UGT2A1: variants seen among roughly 807,000 people sequenced by gnomAD.
UGT2A1 encodes UDP-glucuronosyltransferase 2A1.
UGT2A1 carries 61 observed loss-of-function variants against 45.4 expected under a neutral mutation model. The ratio of observed to expected loss-of-function variants is 1.34; its 90% confidence interval spans 1.09 to 1.66. UGT2A1 has a LOEUF of 1.66. UGT2A1 is among the 40% of genes most tolerant of loss of function. The pLI is 0.00. For missense variants in UGT2A1, 649 were observed against 574.3 expected, an observed-to-expected ratio of 1.13 and a Z score of -1.33; for synonymous variants, 229 against 196.2, an observed-to-expected ratio of 1.17 and a Z score of -1.40.
At chr4:69,596,436 A>T (rs753668491) in intron 4 of UGT2A1, 5 of 1,425,330 alleles carry the variant, frequency 3.5e-6, no homozygotes, top group Non-Finnish European at 4.6e-6. Flanking sequence ...AGAAAAAATA[A>T]GTTTACTTAC....
chr4:69,645,887 T>C (rs1455034668), intron 2 of UGT2A1, among the ~76,000 whole-genome samples: 1 of 151,752 alleles, frequency 6.6e-6, no homozygotes, highest in Non-Finnish European at 1.5e-5. Context: ...ATCGCACCTG[T>C]GCTGTTTTGT....
intron 2 of UGT2A1, among the ~76,000 whole-genome samples, chr4:69,636,085 A>G (rs1256765115): frequency 6.6e-6 from 1 of 152,156 alleles, no homozygotes; most frequent in Non-Finnish European, 1.5e-5. Flanking sequence ...CAAGTTTTTT[A>G]ACTGGTGCAA....
At chr4:69,607,954 AC>A (rs1719760681) in intron 3 of UGT2A1, among the ~76,000 whole-genome samples, 1 of 152,180 alleles carries the variant, frequency 6.6e-6, no homozygotes, top group Non-Finnish European at 1.5e-5. Context: ...AAATAGGAAC[AC>A]TTTTACACTG....
Position 69,639,625 on chromosome 4 carries a change from C to A in UGT2A1, c.716-3803G>T, listed in dbSNP as rs1329027986. 1 of 1,584,062 alleles carries A rather than the reference C, an allele frequency of 6.3e-7. No homozygotes were observed. The highest frequency in any genetic ancestry group is 1.9e-5 in the Admixed American group (1 of 53,286). ...ACAAACTTCTTAGGCATGGTAAAAT[C>A]CCTTATGGAAACCATCCTACTGTAG... On this transcript the variant is annotated intron_variant, in intron 2 of 6. Transcript: ENST00000286604.
chr4:69,650,413 C>T (rs1003644466), intron 1 of UGT2A1, among the ~76,000 whole-genome samples: 4 of 152,084 alleles, frequency 2.6e-5, no homozygotes, highest in Non-Finnish European at 5.9e-5. Context: ...ATATTAAAAA[C>T]ATAATTTAGA....
chr4:69,594,713 G>T lies in UGT2A1; in HGVS notation c.1085-17C>A, dbSNP rs1183435880. ...TGGGATGTCCTAATTTGAGGATGGA[G>T]TGAGAAGTGGGTGTGTAATAATAAC... is the stretch of plus-strand genomic sequence containing the variant. On this transcript the variant is annotated splice_polypyrimidine_tract_variant and intron_variant, in intron 5 of 6. Transcript: ENST00000286604. 5.0e-6 allele frequency: 8 copies of T among 1,606,644 alleles called. 1 individual carries two copies. The highest frequency in any genetic ancestry group is 5.1e-6 in the Non-Finnish European group (6 of 1,175,712).
At chr4:69,648,622 A>C (rs1334639083) in intron 1 of UGT2A1, among the ~76,000 whole-genome samples, 1 of 151,988 alleles carries the variant, frequency 6.6e-6, no homozygotes, top group Non-Finnish European at 1.5e-5. Flanking sequence ...TCCCACATCA[A>C]AGAAAAAGAA....
chr4:69,625,783 A>C (rs757465153), intron 3 of UGT2A1, among the ~76,000 whole-genome samples: 3 of 151,592 alleles, frequency 2.0e-5, no homozygotes, highest in Admixed American at 6.6e-5. Flanking sequence ...AGCCCCAGGC[A>C]GGAAGACTTA....
chr4:69,596,267 C>T, intron 4 of UGT2A1: 2 of 1,591,158 alleles, frequency 1.3e-6, no homozygotes, highest in Non-Finnish European at 1.7e-6. Flanking sequence ...GGAATCTGGG[C>T]AAGGGCTGAG....
Position 69,589,476 on chromosome 4 carries a change from A to C in UGT2A1, c.1480T>G (p.Phe494Val), listed in dbSNP as rs751725412. 9.3e-6 allele frequency: 15 copies of C among 1,614,140 alleles called. No homozygotes were observed. The East Asian group carries it at 3.3e-4, about 36-fold the overall frequency. The change falls in exon 7 of 7, where the codon TTC becomes GTC. Residue 494 changes from phenylalanine to valine, a missense_variant. Physicochemically the swap from Phe to Val is conservative, Grantham distance 50. Coordinates refer to ENST00000286604, the MANE Select transcript of UGT2A1 (RefSeq NM_001252275.3). ...FQYHSLDVIGFLLVCVTTAIF... is the reference protein window; with the variant it reads ...FQYHSLDVIGVLLVCVTTAIF... ...GCCGTTGTCACACAGACCAGCAAGAACCCAATTACATCCAAAGAGTGGTAC... is the reference window on the plus strand; with the variant it reads ...GCCGTTGTCACACAGACCAGCAAGACCCCAATTACATCCAAAGAGTGGTAC...
chr4:69,646,988 C>G lies in UGT2A1; in HGVS notation c.657G>C (p.Gln219His). Residue 219 changes from glutamine (Q) to histidine (H), a missense_variant, in exon 2 of 7, where the codon CAG (glutamine) becomes CAC (histidine). Gln to His is a conservative substitution (Grantham distance 24, BLOSUM62 0). Coordinates refer to ENST00000286604, the MANE Select transcript of UGT2A1 (RefSeq NM_001252275.3). ...RIRNFISYHL[Q>H]DYMFETLWKS... ...TCCAAAGAGTTTCAAACATGTAGTC[C>G]TGTAGGTGGTAGGAGATGAAATTTC... is the stretch of plus-strand genomic sequence containing the variant. 1 of 1,611,152 alleles carries G rather than the reference C, an allele frequency of 6.2e-7. No homozygotes were observed. The highest frequency in any genetic ancestry group is 8.5e-7 in the Non-Finnish European group (1 of 1,178,522).
Position 69,610,491 on chromosome 4 carries a change from T to A in UGT2A1, c.848-11097A>T, listed in dbSNP as rs527985269. ...AGTTGACTTATGAACCAATTAATAT[T>A]ATGCACCCTTTAAAACTTTAAACAC... On this transcript the variant is annotated intron_variant, in intron 3 of 6. Coordinates refer to ENST00000286604, the MANE Select transcript of UGT2A1 (RefSeq NM_001252275.3). Among the ~76,000 whole-genome samples, 5 of 152,288 alleles carry A rather than the reference T, an allele frequency of 3.3e-5. No homozygotes were observed. In the South Asian group the frequency reaches 1.0e-3, roughly 32 times the overall value.
chr4:69,633,552 A>G (rs1218879951), intron 3 of UGT2A1, among the ~76,000 whole-genome samples: 1 of 152,224 alleles, frequency 6.6e-6, no homozygotes, highest in Non-Finnish European at 1.5e-5. Flanking sequence ...CTAAATTTCC[A>G]TCAGCAGTAG....
chr4:69,624,432 G>T (rs1035310613), intron 3 of UGT2A1, among the ~76,000 whole-genome samples: 1 of 151,118 alleles, frequency 6.6e-6, no homozygotes, highest in Non-Finnish European at 1.5e-5. Context: ...TCTAACTATT[G>T]GTGAGGGTTG....
Position 69,639,430 on chromosome 4 carries a change from T to C in UGT2A1, c.716-3608A>G. The stretch of plus-strand genomic sequence containing the variant: ...TTCACAGGAGAATCGGGATTGGAGT[T>C]GATGAATAGAGTTGCTGATGAAGCC... On this transcript the variant is annotated intron_variant, in intron 2 of 6. Coordinates refer to ENST00000286604, the MANE Select transcript of UGT2A1 (RefSeq NM_001252275.3). The C allele has an allele frequency of 4.3e-6, 7 of 1,613,256 alleles. No individual in the cohort carries two copies. In the South Asian group the frequency reaches 6.6e-5, roughly 15 times the overall value.
Position 69,650,870 on chromosome 4 carries a change from G to A in UGT2A1, c.-55+2318C>T, listed in dbSNP as rs577157607. Among the ~76,000 whole-genome samples the A allele has an allele frequency of 1.8e-4, 27 of 152,238 alleles. No individual in the cohort carries two copies. In the South Asian group the frequency reaches 2.5e-3, roughly 14 times the overall value. ...TTGGGGGGATTAACGGTAGGGTGGA[G>A]GATAGGAAAGTCTTCATGAAAGGTA... On this transcript the variant is annotated intron_variant, in intron 1 of 6. Transcript: ENST00000286604.
chr4:69,628,227 C>T (rs1721194325), intron 3 of UGT2A1, among the ~76,000 whole-genome samples: 1 of 151,714 alleles, frequency 6.6e-6, no homozygotes, highest in Admixed American at 6.6e-5. Context: ...ATTAAAATCC[C>T]ACTGGCATTT....
rs777257824 is a variant in UGT2A1, at chr4:69,599,347, A to T, written c.895T>A (p.Leu299Ile). The change falls in exon 4 of 7, where the codon TTA becomes ATA. Residue 299 changes from leucine (L) to isoleucine (I), a missense_variant. Coordinates refer to ENST00000286604, the MANE Select transcript of UGT2A1 (RefSeq NM_001252275.3). ...TCAAAATCCCAATATGTTCGGATTA[A>T]CCAAATTTCAGCTTTCCCCATAGTC... ...CETMGKAEIWLIRTYWDFEFP... is the reference protein window; with the variant it reads ...CETMGKAEIWIIRTYWDFEFP... 1.1e-5 allele frequency: 17 copies of T among 1,613,784 alleles called. No homozygotes were observed. The South Asian group carries it at 1.9e-4, about 18-fold the overall frequency.
intron 6 of UGT2A1, among the ~76,000 whole-genome samples, chr4:69,592,885 A>C (rs891197311): frequency 1.7e-4 from 26 of 152,110 alleles, no homozygotes; most frequent in Admixed American, 7.2e-4. Context: ...GACACAGTAT[A>C]ATTGAAGAAA....
Sources: allele counts gnomAD v4.1 joint callset (sites outside exome capture counted in the v4.1 genomes callset), GRCh38; gene constraint gnomAD v4.1.1; transcripts MANE v1.5; gene names NCBI Gene and HGNC (gene_info 2026-07-23, HGNC 2026-07-21).